The following STAU2 variants were observed in gnomAD, a reference collection of about 807,000 sequenced individuals.
STAU2 encodes the protein double-stranded RNA-binding protein Staufen homolog 2.
In STAU2, 20 loss-of-function variants were observed where a neutral mutation model predicts 65.9. That is an observed-to-expected ratio of 0.30 (90% CI 0.21 to 0.44). The LOEUF (loss-of-function observed/expected upper bound fraction) is 0.44, where lower values mean the gene tolerates loss of function less well. Ranked by LOEUF, STAU2 falls within the 20% of genes least tolerant of loss-of-function variation. STAU2 has a pLI of 1.00. For synonymous variants in STAU2, 232 were observed against 233.9 expected (o/e 0.99, Z 0.07); for missense variants, 558 against 683.9 (o/e 0.82, Z 2.05).
rs1045529840 is a variant in STAU2, at chr8:73,537,573, G to A, written c.1530+14439C>T. Among the ~76,000 whole-genome samples the A allele has an allele frequency of 2.6e-5, 4 of 152,286 alleles. 1 individual carries two copies. The highest frequency in any genetic ancestry group is 3.9e-4 in the East Asian group (2 of 5,182). ...AAGGAACAGGCATAACGTTTTCCAA[G>A]TGCTGAAAGAACTGTCAGCCCAGAC... On this transcript the variant is annotated intron_variant, in intron 13 of 14. Transcript: ENST00000524300.
intron 13 of STAU2, among the ~76,000 whole-genome samples, chr8:73,510,312 C>A (rs1158591800): frequency 6.6e-6 from 1 of 152,048 alleles, no homozygotes; most frequent in Non-Finnish European, 1.5e-5. Flanking sequence ...TCATGTGATC[C>A]GCCCACCTCT....
At chr8:73,614,493 T>C (rs1168208821) in intron 8 of STAU2, among the ~76,000 whole-genome samples, 2 of 152,196 alleles carry the variant, frequency 1.3e-5, no homozygotes, top group African/African-American at 4.8e-5. Flanking sequence ...GGATATTTAT[T>C]CTTGTGACAC....
intron 6 of STAU2, among the ~76,000 whole-genome samples, chr8:73,625,562 G>A (rs563069794): frequency 2.0e-5 from 3 of 152,292 alleles, no homozygotes; most frequent in African/African-American, 7.2e-5. Context: ...GGAGTTTGAG[G>A]AGTAACTGTT....
intron 12 of STAU2, among the ~76,000 whole-genome samples, chr8:73,568,505 AG>A (rs1808789080): frequency 6.6e-6 from 1 of 152,168 alleles, no homozygotes; most frequent in Admixed American, 6.5e-5. Context: ...TGAAAGGCTG[AG>A]GCAAGAGGAT....
At chr8:73,579,097 C>T (rs1351246906) in intron 12 of STAU2, among the ~76,000 whole-genome samples, 2 of 151,806 alleles carry the variant, frequency 1.3e-5, no homozygotes, top group African/African-American at 4.8e-5. Flanking sequence ...AGTGTAGCCT[C>T]CTGGTTTCAG....
chr8:73,433,868 G>A (rs997740499), intron 13 of STAU2, among the ~76,000 whole-genome samples: 6 of 151,794 alleles, frequency 4.0e-5, no homozygotes, highest in East Asian at 1.9e-4. Context: ...ACAGAGCTGC[G>A]GGCACATCCA....
At chr8:73,467,198 A>G (rs77282472) in intron 13 of STAU2, among the ~76,000 whole-genome samples, 1 of 152,272 alleles carries the variant, frequency 6.6e-6, no homozygotes, top group East Asian at 1.9e-4. Flanking sequence ...TGCCTGTTCT[A>G]TGGTAGATAG....
intron 3 of STAU2, among the ~76,000 whole-genome samples, chr8:73,733,578 A>C (rs896473043): frequency 2.0e-5 from 3 of 152,226 alleles, no homozygotes; most frequent in African/African-American, 7.2e-5. Flanking sequence ...TGAAAAGTAT[A>C]AAGTAATGAT....
chr8:73,692,283 C>T (rs867136594), intron 4 of STAU2, among the ~76,000 whole-genome samples: 5 of 151,968 alleles, frequency 3.3e-5, no homozygotes, highest in African/African-American at 7.3e-5. Context: ...TTGCAACCTC[C>T]GCCTCCCAAG....
At chr8:73,746,938 C>A, upstream of STAU2, 1 of 912,432 alleles carries the variant, frequency 1.1e-6, no homozygotes, top group Non-Finnish European at 1.3e-6. Flanking sequence ...GCCGCGCCCT[C>A]CCGCGCTCGC....
chr8:73,713,243 AT>A (rs1821019315), intron 3 of STAU2, among the ~76,000 whole-genome samples: 1 of 152,194 alleles, frequency 6.6e-6, no homozygotes, highest in Non-Finnish European at 1.5e-5. Flanking sequence ...CTCTATTTTT[AT>A]GTCTTCACAA....
chr8:73,443,905 A>G (rs1206218932), intron 13 of STAU2, among the ~76,000 whole-genome samples: 2 of 151,750 alleles, frequency 1.3e-5, no homozygotes, highest in East Asian at 3.9e-4. Flanking sequence ...AGTTAAAGTT[A>G]GCTAACTGCT....
intron 13 of STAU2, among the ~76,000 whole-genome samples, chr8:73,523,977 G>A (rs1252355376): frequency 3.3e-5 from 5 of 152,110 alleles, no homozygotes; most frequent in African/African-American, 4.8e-5. Context: ...AGCCCAGGAG[G>A]CTGAGGCTAC....
intron 13 of STAU2, among the ~76,000 whole-genome samples, chr8:73,508,498 C>T (rs1038947525): frequency 1.3e-5 from 2 of 152,096 alleles, no homozygotes; most frequent in Non-Finnish European, 2.9e-5. Flanking sequence ...TCAAAGATCA[C>T]TGATCACAGA....
At chr8:73,690,328 CAAAAA>C (rs56744849) in intron 4 of STAU2, among the ~76,000 whole-genome samples, 3 of 58,254 alleles carry the variant, frequency 5.1e-5, no homozygotes, top group Admixed American at 4.0e-4. Flanking sequence ...GACTCTGTCT[CAAAAA>C]AAAAAAAAAA....
At chr8:73,500,573 T>G (rs1585882724) in intron 13 of STAU2, among the ~76,000 whole-genome samples, 2 of 151,906 alleles carry the variant, frequency 1.3e-5, no homozygotes, top group East Asian at 3.9e-4. Context: ...CTGTTTTTCA[T>G]CATTTGTGCA....
intron 13 of STAU2, chr8:73,439,374 T>C (rs1183277654): frequency 1.1e-4 from 26 of 246,860 alleles, no homozygotes; most frequent in East Asian, 2.5e-4. Flanking sequence ...CCCAGCACTT[T>C]GGGAGGCCGA....
At chr8:73,665,381 T>G (rs1462569546) in intron 6 of STAU2, among the ~76,000 whole-genome samples, 2 of 152,210 alleles carry the variant, frequency 1.3e-5, no homozygotes, top group Non-Finnish European at 2.9e-5. Flanking sequence ...AACCAAGGGA[T>G]GTAGTATACA....
At chr8:73,681,297 T>C (rs1476296442) in intron 5 of STAU2, among the ~76,000 whole-genome samples, 2 of 152,188 alleles carry the variant, frequency 1.3e-5, no homozygotes, top group African/African-American at 2.4e-5. Context: ...CCAGATGGAA[T>C]TGAGGTCCTA....
Sources: allele counts gnomAD v4.1 joint callset (sites outside exome capture counted in the v4.1 genomes callset), GRCh38; gene constraint gnomAD v4.1.1; transcripts MANE v1.5; gene names NCBI Gene and HGNC (gene_info 2026-07-23, HGNC 2026-07-21).